The following UBE2E2 variants were observed in gnomAD, a reference collection of about 807,000 sequenced individuals.
UBE2E2 encodes ubiquitin conjugating enzyme E2 E2, also known as ubiquitin-conjugating enzyme E2 E2.
In UBE2E2, 6 loss-of-function variants were observed where a neutral mutation model predicts 24.7. The ratio of observed to expected loss-of-function variants is 0.24; its 90% confidence interval spans 0.13 to 0.48. The LOEUF is 0.48. Among genes scored for constraint, UBE2E2 ranks in the 20% least tolerant of loss-of-function variants. The pLI, the probability that UBE2E2 is intolerant of heterozygous loss-of-function variation, is 0.99. For missense variants in UBE2E2, 169 were observed against 245.0 expected, an observed-to-expected ratio of 0.69 and a Z score of 2.07; for synonymous variants, 104 against 83.6, an observed-to-expected ratio of 1.24 and a Z score of -1.33.
At chr3:23,346,915 T>C (rs1346793837) in intron 3 of UBE2E2, among the ~76,000 whole-genome samples, 1 of 152,214 alleles carries the variant, frequency 6.6e-6, no homozygotes, top group Non-Finnish European at 1.5e-5. Flanking sequence ...TTACTATTAG[T>C]ATTACAGTAT....
At chr3:23,546,448 A>G (rs1053995867) in intron 5 of UBE2E2, among the ~76,000 whole-genome samples, 4 of 150,506 alleles carry the variant, frequency 2.7e-5, no homozygotes, top group Non-Finnish European at 5.9e-5. Flanking sequence ...TTCTGAAGTC[A>G]AGAACATTTA....
chr3:23,531,304 G>T (rs1695117963), intron 4 of UBE2E2, among the ~76,000 whole-genome samples: 1 of 152,132 alleles, frequency 6.6e-6, no homozygotes, highest in African/African-American at 2.4e-5. Flanking sequence ...CCAAAAGACT[G>T]TCTTTAGAAC....
chr3:23,227,513 A>G lies in UBE2E2; in HGVS notation c.227+10201A>G, dbSNP rs74923949. 3.9e-3 allele frequency among the ~76,000 whole-genome samples: 593 copies of G among 152,278 alleles called. 3 individuals are homozygous for G. Among genetic ancestry groups the G allele is most frequent in the African/African-American group, 0.013 (535 of 41,572 alleles). On this transcript the variant is annotated intron_variant, in intron 3 of 5. Coordinates refer to ENST00000396703, the MANE Select transcript of UBE2E2 (RefSeq NM_152653.4). ...AAATTTAAATATACATTGAGGACCT[A>G]TGTTATTTATTTAGGGTACTGAATT...
At chr3:23,381,054 C>T (rs1393350482) in intron 3 of UBE2E2, among the ~76,000 whole-genome samples, 1 of 152,158 alleles carries the variant, frequency 6.6e-6, no homozygotes, top group Non-Finnish European at 1.5e-5. Context: ...ATCTTCATGC[C>T]TCCTGTTCTC....
chr3:23,551,143 C>T (rs553619582), intron 5 of UBE2E2, among the ~76,000 whole-genome samples: 10 of 152,234 alleles, frequency 6.6e-5, no homozygotes, highest in South Asian at 4.1e-4. Flanking sequence ...AATTCCAACA[C>T]TCAACAACAT....
chr3:23,413,540 T>C (rs945188929), intron 3 of UBE2E2, among the ~76,000 whole-genome samples: 7 of 152,112 alleles, frequency 4.6e-5, no homozygotes, highest in Non-Finnish European at 2.9e-5. Context: ...TTTCTTCACT[T>C]TTGGTGTAAA....
At chr3:23,546,544 GCT>G (rs1484083505) in intron 5 of UBE2E2, among the ~76,000 whole-genome samples, 2 of 132,054 alleles carry the variant, frequency 1.5e-5, no homozygotes, top group Non-Finnish European at 3.0e-5. Context: ...TGCGATCTCA[GCT>G]CACCACAACC....
At chr3:23,466,602 C>G (rs948814635) in intron 3 of UBE2E2, among the ~76,000 whole-genome samples, 8 of 152,268 alleles carry the variant, frequency 5.3e-5, no homozygotes, top group African/African-American at 1.9e-4. Flanking sequence ...GAGTCTCACT[C>G]TATCGCCCAG....
At chr3:23,531,232 A>G (rs1397576457) in intron 4 of UBE2E2, among the ~76,000 whole-genome samples, 1 of 152,200 alleles carries the variant, frequency 6.6e-6, no homozygotes, top group Admixed American at 6.5e-5. Context: ...GTGGAGTGGC[A>G]GCACCTGCAG....
chr3:23,334,113 T>C (rs545493170), intron 3 of UBE2E2, among the ~76,000 whole-genome samples: 70 of 152,354 alleles, frequency 4.6e-4, no homozygotes, highest in Non-Finnish European at 8.8e-4. Flanking sequence ...TGCACTCTCA[T>C]ATCTAGTAAC....
chr3:23,537,561 G>T (rs1031678391), intron 5 of UBE2E2, among the ~76,000 whole-genome samples: 11 of 152,124 alleles, frequency 7.2e-5, no homozygotes, highest in African/African-American at 2.7e-4. Flanking sequence ...TTCTCAAATG[G>T]ACTGAGCAAA....
chr3:23,423,126 C>A (rs1448337425), intron 3 of UBE2E2, among the ~76,000 whole-genome samples: 1 of 152,140 alleles, frequency 6.6e-6, no homozygotes, highest in African/African-American at 2.4e-5. Flanking sequence ...ATTAAAATGT[C>A]CTTTGCATGT....
At chr3:23,340,164 A>C (rs181306544) in intron 3 of UBE2E2, among the ~76,000 whole-genome samples, 5 of 152,236 alleles carry the variant, frequency 3.3e-5, no homozygotes, top group Admixed American at 3.3e-4. Context: ...ACAATACTGT[A>C]ATGAATAAAA....
At chr3:23,353,927 A>C (rs989675146) in intron 3 of UBE2E2, among the ~76,000 whole-genome samples, 1 of 152,210 alleles carries the variant, frequency 6.6e-6, no homozygotes, top group Non-Finnish European at 1.5e-5. Context: ...CTGCATCGCC[A>C]AGTCAGTCCT....
chr3:23,537,959 G>T (rs1226418752), intron 5 of UBE2E2, among the ~76,000 whole-genome samples: 3 of 152,134 alleles, frequency 2.0e-5, no homozygotes, highest in African/African-American at 7.2e-5. Context: ...ACCTCAGTAG[G>T]ATTCTAGTGC....
intron 5 of UBE2E2, among the ~76,000 whole-genome samples, chr3:23,585,638 A>G (rs945442072): frequency 2.6e-4 from 40 of 152,168 alleles, no homozygotes; most frequent in African/African-American, 9.7e-4. Context: ...AAAAACAGAA[A>G]ATGTGGGAGG....
chr3:23,496,795 T>C (rs138579172), intron 3 of UBE2E2, among the ~76,000 whole-genome samples: 161 of 152,292 alleles, frequency 1.1e-3, no homozygotes, highest in Middle Eastern at 0.01. Context: ...ATAGTTGCTA[T>C]GTTGTAAAAT....
In UBE2E2 at chr3:23,445,651, G is replaced by A. The variant is rs764189415; in HGVS notation, c.228-53957G>A. On this transcript the variant is annotated intron_variant, in intron 3 of 5. Coordinates refer to ENST00000396703, the MANE Select transcript of UBE2E2 (RefSeq NM_152653.4). ...ACAGTTGGTCATGAAGGAGAAAGGC[G>A]TTAGTGATGTGGGAGTCTGAGTTAC... Among the ~76,000 whole-genome samples, 7 of 152,182 alleles carry A rather than the reference G, an allele frequency of 4.6e-5. No individual in the cohort carries two copies. In the South Asian group the frequency reaches 6.2e-4, roughly 13 times the overall value.
chr3:23,439,789 C>T (rs1698260106), intron 3 of UBE2E2, among the ~76,000 whole-genome samples: 1 of 152,030 alleles, frequency 6.6e-6, no homozygotes, highest in Non-Finnish European at 1.5e-5. Context: ...TTTCTCACTC[C>T]ATTCCTCAAT....
Sources: allele counts gnomAD v4.1 joint callset (sites outside exome capture counted in the v4.1 genomes callset), GRCh38; gene constraint gnomAD v4.1.1; transcripts MANE v1.5; gene names NCBI Gene and HGNC (gene_info 2026-07-23, HGNC 2026-07-21).